DNAJC8: variants seen among roughly 807,000 people sequenced by gnomAD.
The protein encoded by DNAJC8 is DnaJ heat shock protein family (Hsp40) member C8, also known as dnaJ homolog subfamily C member 8.
In DNAJC8, 24 loss-of-function variants were observed where a neutral mutation model predicts 43.2. The ratio of observed to expected loss-of-function variants is 0.56; its 90% CI spans 0.40 to 0.78. The LOEUF (loss-of-function observed/expected upper bound fraction) is 0.78. DNAJC8 is among the 30% of genes least tolerant of loss of function. The pLI is 0.00. For missense variants in DNAJC8, 207 were observed against 299.4 expected (o/e 0.69, Z 2.28); for synonymous variants, 83 against 98.0 (o/e 0.85, Z 0.90).
chr1:28,216,006 T>C (rs567625591), intron 2 of DNAJC8, among the ~76,000 whole-genome samples: 1 of 152,154 alleles, frequency 6.6e-6, no homozygotes, highest in East Asian at 1.9e-4. Context: ...ACTGTAAGTA[T>C]GTGGAGCGCA....
intron 2 of DNAJC8, among the ~76,000 whole-genome samples, chr1:28,227,581 C>A (rs1227873170): frequency 1.3e-5 from 2 of 151,658 alleles, no homozygotes; most frequent in Non-Finnish European, 2.9e-5. Flanking sequence ...GACAGTGAGA[C>A]CCTGTCTCAA....
At chr1:28,217,825 T>C (rs1486001153) in intron 2 of DNAJC8, among the ~76,000 whole-genome samples, 1 of 152,044 alleles carries the variant, frequency 6.6e-6, no homozygotes, top group Non-Finnish European at 1.5e-5. Context: ...TTGATTTCTT[T>C]TTTAAAAATA....
At chr1:28,227,976 A>C (rs1023714388) in intron 2 of DNAJC8, among the ~76,000 whole-genome samples, 2 of 152,226 alleles carry the variant, frequency 1.3e-5, no homozygotes, top group African/African-American at 4.8e-5. Flanking sequence ...ATTTATCTAA[A>C]ATCTTGTGAT....
intron 3 of DNAJC8, among the ~76,000 whole-genome samples, chr1:28,212,173 ATATATATATATAT>A (rs1557707917): frequency 0.031 from 2,455 of 79,252 alleles, 217 homozygotes; most frequent in African/African-American, 0.058. Flanking sequence ...AAATAAATAT[ATATATATATATAT>A]ATATATATAT....
At position 28,200,716 on chromosome 1, in the gene DNAJC8, A is replaced by T. The variant is rs772670881; in HGVS notation, c.*532T>A. The T allele has an allele frequency of 5.3e-5, 24 of 454,210 alleles. 1 individual carries two copies. The highest frequency in any genetic ancestry group is 5.3e-5 in the Non-Finnish European group (12 of 226,668). The allele number at this position is 454,210 out of a possible 1,614,324, so 28.1% of individuals were successfully genotyped here. A position where few individuals can be genotyped will look rare whatever the true frequency, so the allele number is the denominator to read the frequency against. Reference sequence around the variant, plus strand: ...ACTGATTGGTCAGTAGACAGGGGGCACATGCCAAACACCACAGGGCATCAG... The same window carrying T: ...ACTGATTGGTCAGTAGACAGGGGGCTCATGCCAAACACCACAGGGCATCAG... On this transcript the variant is annotated 3_prime_UTR_variant, in exon 9 of 9. Transcript: ENST00000263697.
chr1:28,209,192 C>T (rs180860224), intron 5 of DNAJC8, among the ~76,000 whole-genome samples: 9 of 152,292 alleles, frequency 5.9e-5, no homozygotes, highest in Admixed American at 4.6e-4. Context: ...AACACATGAC[C>T]CGCAGGATAT....
chr1:28,206,756 T>C (rs1206805112), intron 6 of DNAJC8, among the ~76,000 whole-genome samples: 1 of 152,358 alleles, frequency 6.6e-6, no homozygotes, highest in South Asian at 2.1e-4. Context: ...GCATATTTAA[T>C]AGTGCCTAAA....
At chr1:28,210,405 A>G in intron 4 of DNAJC8, 166 bp downstream of exon 4, 1 of 626,112 alleles carries the variant, frequency 1.6e-6, no homozygotes, top group South Asian at 2.2e-5. Flanking sequence ...TCTACTTCTT[A>G]AACAACAACA....
intron 2 of DNAJC8, among the ~76,000 whole-genome samples, chr1:28,216,090 T>C (rs1033675256): frequency 3.3e-5 from 5 of 152,056 alleles, no homozygotes; most frequent in Non-Finnish European, 7.4e-5. Flanking sequence ...GGCTCACGCC[T>C]GTAATCCCAG....
rs1280151950 is a variant in DNAJC8 at position 28,214,949 on chromosome 1, C to T, written c.228G>A (p.Arg76=). 2.5e-6 allele frequency: 4 copies of T among 1,608,786 alleles called. No individual in the cohort carries two copies. The Admixed American group carries it at 5.0e-5, about 20-fold the overall frequency. ...PEVTDEEIKK[R]FRQLSILVHP... ...GGAAATAGTACTGTACCTGCCGAAA[C>T]CTCTTTTTTATTTCTTCATCTGTAA... is the stretch of plus-strand genomic sequence containing the variant. Residue 76 remains arginine, a synonymous_variant, in exon 3 of 9, where the codon AGG becomes AGA. Coordinates refer to ENST00000263697, the MANE Select transcript of DNAJC8 (RefSeq NM_014280.3).
intron 1 of DNAJC8, among the ~76,000 whole-genome samples, chr1:28,231,620 C>T (rs1321278244): frequency 6.6e-6 from 1 of 151,462 alleles, no homozygotes; most frequent in East Asian, 2.0e-4. Flanking sequence ...GAGGCTGAGG[C>T]GAGAGAATCA....
intron 6 of DNAJC8, among the ~76,000 whole-genome samples, chr1:28,207,785 G>T (rs1381877318): frequency 6.6e-6 from 1 of 151,736 alleles, no homozygotes; most frequent in Non-Finnish European, 1.5e-5. Context: ...GCCGCGCACG[G>T]TGGCTCATGC....
At chr1:28,220,685 T>C (rs1233591103) in intron 2 of DNAJC8, among the ~76,000 whole-genome samples, 1 of 152,210 alleles carries the variant, frequency 6.6e-6, no homozygotes, top group Non-Finnish European at 1.5e-5. Context: ...GGATTAAATT[T>C]CTAACACATG....
chr1:28,215,043 C>T, intron 2 of DNAJC8, 47 bp from the exon 3 acceptor site: 1 of 1,505,856 alleles, frequency 6.6e-7, no homozygotes, highest in Non-Finnish European at 9.1e-7. Flanking sequence ...AAATAAATTA[C>T]ATGTATATTT....
chr1:28,207,243 T>G (rs1199608518), intron 6 of DNAJC8, among the ~76,000 whole-genome samples: 1 of 151,820 alleles, frequency 6.6e-6, no homozygotes, highest in African/African-American at 2.4e-5. Flanking sequence ...CCAGGCTTGA[T>G]GGCGGGCATC....
intron 2 of DNAJC8, among the ~76,000 whole-genome samples, chr1:28,217,305 C>T (rs1381093578): frequency 6.6e-6 from 1 of 151,788 alleles, no homozygotes; most frequent in East Asian, 1.9e-4. Flanking sequence ...TGCCTGGTGA[C>T]TTTTTTAAAT....
chr1:28,208,349 G>A lies in DNAJC8; in HGVS notation c.464C>T (p.Pro155Leu). 6.2e-7 allele frequency: 1 copy of A among 1,613,156 alleles called. No homozygotes were observed. The highest frequency in any genetic ancestry group is 1.1e-5 in the South Asian group (1 of 91,004). ...GKPTIVEEDD[P>L]ELFKQAVYKQ... Reference sequence around the variant, plus strand: ...TTCCTATATTTAACTCACCAGCTCAGGATCATCCTCCTCTACAATTGTAGG... The same window carrying A: ...TTCCTATATTTAACTCACCAGCTCAAGATCATCCTCCTCTACAATTGTAGG... The change falls in exon 6 of 9, where the codon CCT (proline) becomes CTT (leucine). Residue 155 changes from proline to leucine, a missense_variant. By Grantham distance (98) the Pro-to-Leu change is moderately conservative. Around this residue, in one of 2 missense-constraint regions of DNAJC8, gnomAD observed 159 missense variants for 267.5 expected, o/e 0.59. Transcript: ENST00000263697.
chr1:28,228,781 A>G (rs765848726), intron 2 of DNAJC8, 141 bp downstream of exon 2: 11 of 715,388 alleles, frequency 1.5e-5, no homozygotes, highest in Admixed American at 2.7e-5. Flanking sequence ...ATTTTGTACT[A>G]TACAGATTCC....
chr1:28,227,074 CAAAA>C (rs148492955), intron 2 of DNAJC8, among the ~76,000 whole-genome samples: 3 of 94,728 alleles, frequency 3.2e-5, no homozygotes, highest in African/African-American at 1.1e-4. Flanking sequence ...TCAAGCATTG[CAAAA>C]AAAAAAAAAG....
Sources: gnomAD v4.1 joint callset for allele counts (sites outside exome capture counted in the v4.1 genomes callset) on GRCh38, gnomAD v4.1.1 for gene constraint, gnomAD v4.1.1 regional missense constraint, MANE v1.5 for transcripts, NCBI Gene and HGNC (gene_info 2026-07-23, HGNC 2026-07-21) for gene names.